The following MMS22L variants were observed in gnomAD, a reference collection of about 807,000 sequenced individuals.
MMS22L encodes the protein MMS22 like, DNA repair protein.
In MMS22L, 74 loss-of-function variants were observed where a neutral mutation model predicts 159.1. The observed-to-expected ratio is 0.47, with a 90% CI of 0.39 to 0.56. The LOEUF is 0.56. MMS22L is among the 20% of genes least tolerant of loss of function. The probability of loss-of-function intolerance (pLI) is 0.00; values close to 1 mark genes in which losing one functional copy is unlikely to be tolerated. For missense variants in MMS22L, 1,351 were observed against 1,422.1 expected, an observed-to-expected ratio of 0.95 and a Z score of 0.80; for synonymous variants, 517 against 506.9, an observed-to-expected ratio of 1.02 and a Z score of -0.27.
chr6:97,268,834 T>A (rs938193609), intron 7 of MMS22L, among the ~76,000 whole-genome samples: 6 of 152,060 alleles, frequency 3.9e-5, no homozygotes, highest in African/African-American at 1.4e-4. Context: ...CTGGTGTACA[T>A]CTTCATATGT....
intron 22 of MMS22L, among the ~76,000 whole-genome samples, chr6:97,156,102 T>C (rs1242346049): frequency 6.6e-6 from 1 of 152,026 alleles, no homozygotes; most frequent in East Asian, 1.9e-4. Flanking sequence ...CATTTTTTCG[T>C]AAGTTTTTTG....
intron 14 of MMS22L, among the ~76,000 whole-genome samples, chr6:97,209,238 T>C (rs1317013749): frequency 6.6e-6 from 1 of 152,042 alleles, no homozygotes. Context: ...TACTAAAAAA[T>C]AATTTCCCCA....
chr6:97,232,852 A>G (rs1811012640), intron 12 of MMS22L, among the ~76,000 whole-genome samples: 1 of 152,116 alleles, frequency 6.6e-6, no homozygotes, highest in African/African-American at 2.4e-5. Context: ...AGGTTCACTA[A>G]TTATTTACCC....
intron 14 of MMS22L, among the ~76,000 whole-genome samples, chr6:97,196,607 T>C (rs1806542706): frequency 6.6e-6 from 1 of 152,152 alleles, no homozygotes; most frequent in Non-Finnish European, 1.5e-5. Flanking sequence ...TAGCTGGAAA[T>C]GAGAGAAAAC....
intron 11 of MMS22L, among the ~76,000 whole-genome samples, chr6:97,240,840 T>C (rs905603220): frequency 2.6e-5 from 4 of 151,974 alleles, no homozygotes; most frequent in Non-Finnish European, 5.9e-5. Context: ...TTGGCCAGGC[T>C]GGTCTTGAAC....
intron 11 of MMS22L, among the ~76,000 whole-genome samples, chr6:97,239,521 T>C (rs368476743): frequency 1.3e-5 from 2 of 152,214 alleles, no homozygotes; most frequent in East Asian, 1.9e-4. Context: ...AATTGAGCAA[T>C]ATACGTTCTC....
chr6:97,270,420 T>G lies in MMS22L; in HGVS notation c.607-428A>C, dbSNP rs1461230483. 2.8e-5 allele frequency: 10 copies of G among 357,034 alleles called. No homozygotes were observed. In the East Asian group the frequency reaches 3.0e-4, roughly 11 times the overall value. The allele number at this position is 357,034 out of a possible 1,614,324, so 22.1% of individuals were successfully genotyped here. ...TTAACAAAAGAACTTTAGACTGTCA[T>G]GTAGACATTATTGTCATCTCATTAA... On this transcript the variant is annotated intron_variant, in intron 6 of 24. Transcript: ENST00000683635.
intron 8 of MMS22L, 133 bp from the exon 9 acceptor site, chr6:97,263,581 T>C (rs1017786523): frequency 4.6e-6 from 2 of 437,000 alleles, no homozygotes; most frequent in East Asian, 3.6e-5. Flanking sequence ...AAATTATTTA[T>C]TGAAAATGTG....
At chr6:97,214,334 A>G (rs1808731717) in intron 14 of MMS22L, among the ~76,000 whole-genome samples, 1 of 152,150 alleles carries the variant, frequency 6.6e-6, no homozygotes, top group Non-Finnish European at 1.5e-5. Flanking sequence ...ATGGAATATT[A>G]TGGTATATCT....
At chr6:97,236,323 C>CAA (rs58792910) in intron 11 of MMS22L, among the ~76,000 whole-genome samples, 1,289 of 94,560 alleles carry the variant, frequency 0.014, 40 homozygotes, top group African/African-American at 0.043. Flanking sequence ...ACTCTTTCTC[C>CAA]AAAAAAAAAA....
intron 15 of MMS22L, among the ~76,000 whole-genome samples, chr6:97,185,702 C>T (rs567735920): frequency 1.4e-4 from 21 of 152,200 alleles, no homozygotes; most frequent in Admixed American, 1.4e-3. Flanking sequence ...TTACACAGCA[C>T]TTTAAGCTCA....
At chr6:97,268,602 T>C (rs1475756195) in intron 7 of MMS22L, among the ~76,000 whole-genome samples, 1 of 152,004 alleles carries the variant, frequency 6.6e-6, no homozygotes, top group Non-Finnish European at 1.5e-5. Context: ...GAGAACAACA[T>C]AAAATCTTCA....
At chr6:97,204,232 C>T (rs1247726911) in intron 14 of MMS22L, among the ~76,000 whole-genome samples, 2 of 152,164 alleles carry the variant, frequency 1.3e-5, no homozygotes, top group Non-Finnish European at 1.5e-5. Context: ...GTCAGTCAAG[C>T]ATTTCATCCC....
chr6:97,206,769 T>C (rs1807835139), intron 14 of MMS22L, among the ~76,000 whole-genome samples: 1 of 152,114 alleles, frequency 6.6e-6, no homozygotes, highest in South Asian at 2.1e-4. Context: ...TAAACGCCCA[T>C]CATAAGGACC....
At chr6:97,278,741 G>T in intron 4 of MMS22L, 108 bp downstream of exon 4, 1 of 822,588 alleles carries the variant, frequency 1.2e-6, no homozygotes, top group Non-Finnish European at 1.9e-6. Flanking sequence ...CTGGCCTAAT[G>T]CTTCCTCTGT....
At chr6:97,227,112 G>T (rs562254484) in intron 14 of MMS22L, among the ~76,000 whole-genome samples, 1 of 151,880 alleles carries the variant, frequency 6.6e-6, no homozygotes, top group Non-Finnish European at 1.5e-5. Context: ...AAACCAAAAA[G>T]ATTGCCAGAA....
At chr6:97,163,243 C>G (rs917505402) in intron 21 of MMS22L, among the ~76,000 whole-genome samples, 5 of 151,628 alleles carry the variant, frequency 3.3e-5, no homozygotes, top group Non-Finnish European at 7.4e-5. Flanking sequence ...AGCAAGAGGC[C>G]CACCATGGAG....
chr6:97,173,680 T>C (rs184540587), intron 18 of MMS22L, among the ~76,000 whole-genome samples: 99 of 152,188 alleles, frequency 6.5e-4, no homozygotes, highest in African/African-American at 2.2e-3. Flanking sequence ...AAAGTTCAGC[T>C]TTATTATATG....
In MMS22L at chr6:97,145,012, GAAAAAAA is replaced by G. The variant is rs1216044544; in HGVS notation, c.*1787_*1793del. 44 of 90,832 alleles carry G rather than the reference GAAAAAAA, an allele frequency of 4.8e-4. No individual in the cohort carries two copies. Among genetic ancestry groups the G allele is most frequent in the African/African-American group, 1.0e-3 (23 of 22,816 alleles). The allele number at this position is 90,832 out of a possible 1,614,324, so 5.6% of individuals were successfully genotyped here. Reference sequence around the variant, plus strand: ...AAGGTATCTTTATCAATCTCCTTTGGAAAAAAAAAACCCACACACACACACACACACA... The same window carrying G: ...AAGGTATCTTTATCAATCTCCTTTGGAAACCCACACACACACACACACACA... On this transcript the variant is annotated 3_prime_UTR_variant, in exon 25 of 25. Coordinates refer to ENST00000683635, the MANE Select transcript of MMS22L (RefSeq NM_001350599.2).
Sources: allele counts gnomAD v4.1 joint callset (sites outside exome capture counted in the v4.1 genomes callset), GRCh38; gene constraint gnomAD v4.1.1; transcripts MANE v1.5; gene names NCBI Gene and HGNC (gene_info 2026-07-23, HGNC 2026-07-21).